The following ASPSCR1 variants were observed in gnomAD, a reference collection of about 807,000 sequenced individuals.
The protein encoded by ASPSCR1 is ASPSCR1 tether for SLC2A4, UBX domain containing, also known as tether containing UBX domain for GLUT4.
In ASPSCR1, 55 loss-of-function variants were observed where a neutral mutation model predicts 68.9. The ratio of observed to expected loss-of-function variants is 0.80; its 90% CI spans 0.64 to 1.00. The LOEUF (loss-of-function observed/expected upper bound fraction) is 1.00. Ranked by LOEUF, ASPSCR1 falls within the 50% of genes least tolerant of loss-of-function variation. The pLI is 0.00. For missense variants in ASPSCR1, 765 were observed against 762.2 expected (o/e 1.00, Z -0.04); for synonymous variants, 352 against 332.6 (o/e 1.06, Z -0.63).
Position 81,987,737 on chromosome 17 carries a change from G to C in ASPSCR1, c.374+2130G>C, listed in dbSNP as rs2042041472. Among the ~76,000 whole-genome samples the C allele has an allele frequency of 6.6e-6, 1 of 152,186 alleles. No individual in the cohort carries two copies. Among genetic ancestry groups the C allele is most frequent in the East Asian group, 1.9e-4 (1 of 5,180 alleles). On this transcript the variant is annotated intron_variant, in intron 4 of 15. Transcript: ENST00000306739. The surrounding 1 kb of genome is among the most constrained non-coding windows in gnomAD (Gnocchi z 5.6). The stretch of plus-strand genomic sequence containing the variant: ...TGGTTCTGGAAGTGGCTTTGGAGCT[G>C]GCTTTGGTGGTGGCTGTGGGGGTGG...
At chr17:81,992,899 C>A (rs2042218473) in intron 4 of ASPSCR1, among the ~76,000 whole-genome samples, 1 of 152,194 alleles carries the variant, frequency 6.6e-6, no homozygotes, top group Non-Finnish European at 1.5e-5. Context: ...AGGCTAGAGG[C>A]CCTTGGGGAA....
intron 7 of ASPSCR1, chr17:82,007,273 G>C (rs2042751322): frequency 6.6e-6 from 1 of 152,286 alleles, no homozygotes; most frequent in Non-Finnish European, 1.5e-5. Context: ...CCCTGGGTCT[G>C]TCTGACAGAC....
In ASPSCR1 at chr17:81,987,922, G is replaced by A. The variant is rs1567961329; in HGVS notation, c.374+2315G>A. ...CACCTGTAATCGCAGCACTTTGGGA[G>A]GCTGAGGCGGGTGGATCACGAGGTC... is the stretch of plus-strand genomic sequence containing the variant. On this transcript the variant is annotated intron_variant, in intron 4 of 15. Coordinates refer to ENST00000306739, the MANE Select transcript of ASPSCR1 (RefSeq NM_024083.4). The surrounding 1 kb of genome is among the most constrained non-coding windows in gnomAD (Gnocchi z 5.6). Among the ~76,000 whole-genome samples the A allele has an allele frequency of 6.6e-6, 1 of 152,122 alleles. No homozygotes were observed.
chr17:81,977,821 C>A lies in ASPSCR1; in HGVS notation c.102+73C>A. On this transcript the variant is annotated intron_variant, in intron 1 of 15. Coordinates refer to ENST00000306739, the MANE Select transcript of ASPSCR1 (RefSeq NM_024083.4). The surrounding 1 kb of genome is among the most constrained non-coding windows in gnomAD (Gnocchi z 5.0). The stretch of plus-strand genomic sequence containing the variant: ...GCGCCGAGGCCCCGCCCATTGCGGT[C>A]GGCGTCCCGGTGTTCGGGGGCGGGG... 8.9e-7 allele frequency: 1 copy of A among 1,123,304 alleles called. No homozygotes were observed. Among genetic ancestry groups the A allele is most frequent in the Non-Finnish European group, 1.1e-6 (1 of 899,472 alleles). 69.6% of individuals were successfully genotyped at this position (1,123,304 alleles called of 1,614,324 possible).
Position 82,012,253 on chromosome 17 carries a change from C to T in ASPSCR1, c.1323C>T (p.Val441=), listed in dbSNP as rs2042974930. 6.2e-7 allele frequency: 1 copy of T among 1,613,544 alleles called. No homozygotes were observed. Among genetic ancestry groups the T allele is most frequent in the African/African-American group, 1.3e-5 (1 of 74,944 alleles). The change falls in exon 12 of 16, where the codon GTC becomes GTT. Residue 441 remains valine (V), a synonymous_variant. Transcript: ENST00000306739. ...FYLFITPPKT[V]LDDHTQTLFQ... ...CAGTCATCACCCCTCCAAAAACAGT[C>T]CTGGACGACCACACGCAGACCCTCT...
intron 7 of ASPSCR1, chr17:82,005,637 T>TC (rs1158369282): frequency 1.3e-5 from 2 of 152,204 alleles, no homozygotes; most frequent in African/African-American, 2.4e-5. Context: ...CCGCTGGCCC[T>TC]CCGTCTGCTT....
intron 12 of ASPSCR1, chr17:82,013,602 A>C (rs1337545569): frequency 1.3e-5 from 2 of 151,798 alleles, no homozygotes; most frequent in Non-Finnish European, 2.9e-5. Flanking sequence ...GCAGAGCCCC[A>C]CTCCGGCTGC....
rs2042445564 is a variant in ASPSCR1 at position 81,999,060 on chromosome 17, G to A, written c.933+2214G>A. On this transcript the variant is annotated intron_variant, in intron 7 of 15. Transcript: ENST00000306739. This position sits in a 1 kb window ranked among gnomAD's most constrained non-coding sequence, Gnocchi z 4.4. ...ATCAGAGCCCTGCACCTGGGCTGCTGAAACCTGACTTCCTCAGCTTCCTCA... is the reference window on the plus strand; with the variant it reads ...ATCAGAGCCCTGCACCTGGGCTGCTAAAACCTGACTTCCTCAGCTTCCTCA... 6.6e-6 allele frequency among the ~76,000 whole-genome samples: 1 copy of A among 152,266 alleles called. No homozygotes were observed. The highest frequency in any genetic ancestry group is 1.5e-5 in the Non-Finnish European group (1 of 68,052).
rs889388304 is a variant in ASPSCR1, at chr17:81,985,850, C to T, written c.374+243C>T. ...CTGGGCCCAGCGGCCCAGCCTTGCC[C>T]ACCTAGAAGAGCAGGAATGTGCTTC... On this transcript the variant is annotated intron_variant, in intron 4 of 15. Transcript: ENST00000306739. 1.4e-4 allele frequency among the ~76,000 whole-genome samples: 22 copies of T among 152,290 alleles called. No homozygotes were observed. The East Asian group carries it at 4.1e-3, about 28-fold the overall frequency.
intron 4 of ASPSCR1, among the ~76,000 whole-genome samples, 188 bp downstream of exon 4, chr17:81,985,795 G>A (rs941769946): frequency 4.6e-5 from 7 of 152,202 alleles, no homozygotes. Context: ...CCTCGGGGAT[G>A]GCTGGTCACA....
chr17:81,984,148 G>T (rs908200350), intron 3 of ASPSCR1, among the ~76,000 whole-genome samples: 1 of 152,054 alleles, frequency 6.6e-6, no homozygotes, highest in Non-Finnish European at 1.5e-5. Context: ...GAGCCTCTGC[G>T]CCCCGCCCAC....
Position 81,990,773 on chromosome 17 carries a change from A to C in ASPSCR1, c.375-4048A>C, listed in dbSNP as rs1051725122. Among the ~76,000 whole-genome samples the C allele has an allele frequency of 1.3e-5, 2 of 152,176 alleles. No individual in the cohort carries two copies. The highest frequency in any genetic ancestry group is 4.8e-5 in the African/African-American group (2 of 41,440). ...GAAAGGGAGTACCTTTCTGACCAGCATCTTTGCTGGGGTACAGATTGTTAT... is the reference window on the plus strand; with the variant it reads ...GAAAGGGAGTACCTTTCTGACCAGCCTCTTTGCTGGGGTACAGATTGTTAT... On this transcript the variant is annotated intron_variant, in intron 4 of 15. Coordinates refer to ENST00000306739, the MANE Select transcript of ASPSCR1 (RefSeq NM_024083.4). The surrounding 1 kb of genome is among the most constrained non-coding windows in gnomAD (Gnocchi z 4.1).
In ASPSCR1 at chr17:82,003,299, TTAG is replaced by T. The variant is rs533495332; in HGVS notation, c.934-5734_934-5732del. ...CATCTCTACAAAGGAAATTTAAAAA[TTAG>T]TAGGGCGTGATGGTGTGTGCCTGTA... On this transcript the variant is annotated intron_variant, in intron 7 of 15. Transcript: ENST00000306739. Among the ~76,000 whole-genome samples the T allele has an allele frequency of 1.7e-3, 257 of 152,228 alleles. 1 individual carries two copies. Among genetic ancestry groups the T allele is most frequent in the Non-Finnish European group, 3.1e-3 (209 of 67,996 alleles).
At chr17:82,011,407 C>A in intron 10 of ASPSCR1, 136 bp from the exon 11 acceptor site, 1 of 832,584 alleles carries the variant, frequency 1.2e-6, no homozygotes, top group Non-Finnish European at 1.8e-6. Context: ...ACCTGGAGTG[C>A]TGTGGGAGGA....
intron 3 of ASPSCR1, among the ~76,000 whole-genome samples, chr17:81,985,042 T>TCC (rs369017225): frequency 2.5e-3 from 66 of 26,890 alleles, no homozygotes; most frequent in Non-Finnish European, 3.9e-3. Flanking sequence ...TGCACACACC[T>TCC]CCCCCCCACA....
In ASPSCR1 at chr17:81,990,263, G is replaced by A. The variant is rs1351952854; in HGVS notation, c.375-4558G>A. Among the ~76,000 whole-genome samples, 1 of 152,202 alleles carries A rather than the reference G, an allele frequency of 6.6e-6. No homozygotes were observed. The highest frequency in any genetic ancestry group is 1.5e-5 in the Non-Finnish European group (1 of 68,032). On this transcript the variant is annotated intron_variant, in intron 4 of 15. Transcript: ENST00000306739. This position sits in a 1 kb window ranked among gnomAD's most constrained non-coding sequence, Gnocchi z 4.1. Reference sequence around the variant, plus strand: ...TGAGACCTGCATGTATGGTGCACTTGGAGCATCTCGGTCTGGGCCGGGTCC... The same window carrying A: ...TGAGACCTGCATGTATGGTGCACTTAGAGCATCTCGGTCTGGGCCGGGTCC...
chr17:81,977,631 G>A lies in ASPSCR1; in HGVS notation c.-16G>A. On this transcript the variant is annotated 5_prime_UTR_variant, in exon 1 of 16. Coordinates refer to ENST00000306739, the MANE Select transcript of ASPSCR1 (RefSeq NM_024083.4). This position sits in a 1 kb window ranked among gnomAD's most constrained non-coding sequence, Gnocchi z 5.0. ...TTGTTTGACGCCGGCCCGGCGGCGG[G>A]TCACGTGAGCGGAAAATGGCGGCCC... The A allele has an allele frequency of 7.2e-7, 1 of 1,383,876 alleles. No homozygotes were observed. Among genetic ancestry groups the A allele is most frequent in the Non-Finnish European group, 9.4e-7 (1 of 1,065,610 alleles). The allele number at this position is 1,383,876 out of a possible 1,614,324, so 85.7% of individuals were successfully genotyped here.
intron 7 of ASPSCR1, chr17:82,008,775 G>A: frequency 4.9e-6 from 2 of 404,840 alleles, no homozygotes; most frequent in Admixed American, 4.5e-5. Context: ...TGGGGAGCAG[G>A]GGCTCAGCAT....
chr17:81,981,499 C>T (rs909107649), intron 2 of ASPSCR1, among the ~76,000 whole-genome samples: 3 of 152,186 alleles, frequency 2.0e-5, no homozygotes, highest in African/African-American at 7.2e-5. Context: ...CTGCCTCAGC[C>T]TCCCGAGTAG....
Sources: allele counts gnomAD v4.1 joint callset (sites outside exome capture counted in the v4.1 genomes callset), GRCh38; gene constraint gnomAD v4.1.1; non-coding constraint Gnocchi (gnomAD v3.1); transcripts MANE v1.5; gene names NCBI Gene and HGNC (gene_info 2026-07-23, HGNC 2026-07-21).